The following IRF4 variants were observed in gnomAD, a reference collection of about 807,000 sequenced individuals.
IRF4 encodes interferon regulatory factor 4.
Under a neutral mutation model 55.5 loss-of-function variants are expected in IRF4, and 13 were observed. The observed-to-expected ratio is 0.23, with a 90% CI of 0.15 to 0.37. IRF4 has a LOEUF of 0.37. IRF4 is among the 10% of genes least tolerant of loss of function. IRF4 has a pLI of 1.00. For missense variants in IRF4, 397 were observed against 593.8 expected (o/e 0.67, Z 3.44); for synonymous variants, 249 against 240.7 (o/e 1.03, Z -0.32).
At position 395,016 on chromosome 6, in the gene IRF4, T is replaced by G. The variant is rs369623460; in HGVS notation, c.403+9T>G. 67 of 1,577,580 alleles carry G rather than the reference T, an allele frequency of 4.2e-5. No individual in the cohort carries two copies. The African/African-American group carries it at 7.8e-4, about 18-fold the overall frequency. ...TGAGGGAGCCAAAAAAGGTAGGGGC[T>G]CTCCTGAATTTGGGTCACCTAACAG... is the stretch of plus-strand genomic sequence containing the variant. On this transcript the variant is annotated intron_variant, in intron 3 of 8. Transcript: ENST00000380956.
rs1761286820 is a variant in IRF4 at position 397,163 on chromosome 6, C to A, written c.548C>A (p.Pro183Gln). The change falls in exon 5 of 9, where the codon CCG (proline) becomes CAG (glutamine). Residue 183 changes from proline (P) to glutamine (Q), a missense_variant. By Grantham distance (76) the Pro-to-Gln change is moderately conservative. This residue lies in a region of IRF4 where 341 missense variants were observed against 548.1 expected (regional missense o/e 0.62). Coordinates refer to ENST00000380956, the MANE Select transcript of IRF4 (RefSeq NM_002460.4). The part of the protein sequence containing the change: ...PLDRSWRDYV[P>Q]DQPHPEIPYQ... ...GACCGAAGCTGGAGGGACTACGTCC[C>A]GGATCAGCCACACCCGGAAATCCCG... The A allele has an allele frequency of 6.2e-7, 1 of 1,614,270 alleles. No individual in the cohort carries two copies. Among genetic ancestry groups the A allele is most frequent in the African/African-American group, 1.3e-5 (1 of 75,072 alleles).
intron 2 of IRF4, among the ~76,000 whole-genome samples, chr6:394,051 A>C (rs1360442567): frequency 1.3e-5 from 2 of 152,154 alleles, no homozygotes; most frequent in African/African-American, 4.8e-5. Flanking sequence ...TTCTCCCCTA[A>C]GGCAGTTTAC....
At position 393,693 on chromosome 6, in the gene IRF4, G is replaced by C. The variant is rs1191192065; in HGVS notation, c.216+325G>C. ...TCCGTGCGTTCTCGTTTCCACGCAA[G>C]CCTCCCGCCCTTCCTCCGGGCTCCC... On this transcript the variant is annotated intron_variant, in intron 2 of 8. Transcript: ENST00000380956. The surrounding 1 kb of genome is among the most constrained non-coding windows in gnomAD (Gnocchi z 5.4). Among the ~76,000 whole-genome samples the C allele has an allele frequency of 6.6e-6, 1 of 151,890 alleles. No homozygotes were observed. The highest frequency in any genetic ancestry group is 1.5e-5 in the Non-Finnish European group (1 of 67,960).
rs1016435210 is a variant in IRF4 at position 393,563 on chromosome 6, G to T, written c.216+195G>T. On this transcript the variant is annotated intron_variant, in intron 2 of 8. Coordinates refer to ENST00000380956, the MANE Select transcript of IRF4 (RefSeq NM_002460.4). The surrounding 1 kb of genome is among the most constrained non-coding windows in gnomAD (Gnocchi z 5.4). ...CTCGGCTCTCAGCGGGACCGCGGGGGCCGGGAGCCGGGTCCTGGGCGCGTG... is the reference window on the plus strand; with the variant it reads ...CTCGGCTCTCAGCGGGACCGCGGGGTCCGGGAGCCGGGTCCTGGGCGCGTG... 2.6e-5 allele frequency among the ~76,000 whole-genome samples: 4 copies of T among 152,088 alleles called. No individual in the cohort carries two copies. Among genetic ancestry groups the T allele is most frequent in the African/African-American group, 9.7e-5 (4 of 41,432 alleles).
At chr6:404,329 A>C (rs932595658) in intron 7 of IRF4, among the ~76,000 whole-genome samples, 2 of 152,180 alleles carry the variant, frequency 1.3e-5, no homozygotes, top group Admixed American at 1.3e-4. Context: ...CAGGATGTAC[A>C]TGTGTATATC....
chr6:394,713 C>T lies in IRF4; in HGVS notation c.217-108C>T, dbSNP rs1761208799. ...GATGCTGCGGTGAGCTATCATCGTG[C>T]CACTGTACTCTAGCCTGGGCAGCAG... On this transcript the variant is annotated intron_variant, in intron 2 of 8. Transcript: ENST00000380956. 2.9e-6 allele frequency: 3 copies of T among 1,024,580 alleles called. No individual in the cohort carries two copies. In the Admixed American group the frequency reaches 6.6e-5, roughly 22 times the overall value. 63.5% of individuals were successfully genotyped at this position (1,024,580 alleles called of 1,614,324 possible).
intron 5 of IRF4, among the ~76,000 whole-genome samples, chr6:398,599 A>G (rs1212110388): frequency 6.6e-6 from 1 of 152,044 alleles, no homozygotes; most frequent in Non-Finnish European, 1.5e-5. Flanking sequence ...TTTCCTTCCA[A>G]AGCTGTGCAC....
At chr6:392,004 G>T in intron 1 of IRF4, 195 bp downstream of exon 1, 1 of 369,122 alleles carries the variant, frequency 2.7e-6, no homozygotes, top group Non-Finnish European at 5.5e-6. Context: ...TGGGCTCCAA[G>T]GCCCGCCTCC....
chr6:407,131 T>A (rs1182360768), intron 8 of IRF4, among the ~76,000 whole-genome samples: 2 of 152,232 alleles, frequency 1.3e-5, no homozygotes, highest in Non-Finnish European at 2.9e-5. Flanking sequence ...CCCTGCAGAT[T>A]CCCTCAGACT....
At position 393,727 on chromosome 6, in the gene IRF4, C is replaced by T. The variant is rs375044823; in HGVS notation, c.216+359C>T. On this transcript the variant is annotated intron_variant, in intron 2 of 8. Transcript: ENST00000380956. This position sits in a 1 kb window ranked among gnomAD's most constrained non-coding sequence, Gnocchi z 5.4. ...CCTTCCTCCGGGCTCCCGTCTGCCGCCTCCGTCCGTGGGTCCCCCTCGCCC... is the reference window on the plus strand; with the variant it reads ...CCTTCCTCCGGGCTCCCGTCTGCCGTCTCCGTCCGTGGGTCCCCCTCGCCC... Among the ~76,000 whole-genome samples, 2 of 152,306 alleles carry T rather than the reference C, an allele frequency of 1.3e-5. No individual in the cohort carries two copies. Among genetic ancestry groups the T allele is most frequent in the South Asian group, 2.1e-4 (1 of 4,828 alleles).
chr6:408,910 G>T lies in IRF4; in HGVS notation c.*1312G>T, dbSNP rs191084757. On this transcript the variant is annotated 3_prime_UTR_variant, in exon 9 of 9. Coordinates refer to ENST00000380956, the MANE Select transcript of IRF4 (RefSeq NM_002460.4). ...TTTGACAGGGCCTTAAAATTACTTG[G>T]CTTTTTCCAAATGCTTCTATTTATA... 24 of 230,264 alleles carry T rather than the reference G, an allele frequency of 1.0e-4. No individual in the cohort carries two copies. The South Asian group carries it at 2.4e-3, about 23-fold the overall frequency. 14.3% of individuals were successfully genotyped at this position (230,264 alleles called of 1,614,324 possible). A position where few individuals can be genotyped will look rare whatever the true frequency, so the allele number is the denominator to read the frequency against.
chr6:405,556 C>G (rs547401220), intron 8 of IRF4, among the ~76,000 whole-genome samples: 8 of 152,208 alleles, frequency 5.3e-5, no homozygotes, highest in Non-Finnish European at 8.8e-5. Flanking sequence ...GAGAAACTAT[C>G]CATTCCCTGG....
chr6:405,490 G>A (rs894988124), intron 8 of IRF4, among the ~76,000 whole-genome samples: 8 of 152,196 alleles, frequency 5.3e-5, no homozygotes, highest in African/African-American at 1.7e-4. Flanking sequence ...TAAGATTGCT[G>A]TAAGAATGCT....
At chr6:401,325 C>T in intron 6 of IRF4, 99 bp from the exon 7 acceptor site, 1 of 875,190 alleles carries the variant, frequency 1.1e-6, no homozygotes, top group South Asian at 1.6e-5. Context: ...ACATGTGGGA[C>T]ACTAGAGTTC....
rs1404684551 is a variant in IRF4 at position 393,540 on chromosome 6, C to T, written c.216+172C>T. On this transcript the variant is annotated intron_variant, in intron 2 of 8. Transcript: ENST00000380956. This position sits in a 1 kb window ranked among gnomAD's most constrained non-coding sequence, Gnocchi z 5.4. ...GCCGCAGGAGGAGGAAAGGAGGCCT[C>T]GGCTCTCAGCGGGACCGCGGGGGCC... Among the ~76,000 whole-genome samples, 3 of 151,876 alleles carry T rather than the reference C, an allele frequency of 2.0e-5. No individual in the cohort carries two copies. The highest frequency in any genetic ancestry group is 7.3e-5 in the African/African-American group (3 of 41,340).
At chr6:405,329 G>T (rs1761517824) in intron 8 of IRF4, among the ~76,000 whole-genome samples, 199 bp downstream of exon 8, 1 of 152,228 alleles carries the variant, frequency 6.6e-6, no homozygotes, top group Non-Finnish European at 1.5e-5. Flanking sequence ...CCAGACTTGA[G>T]ATCTGCTCAT....
At position 410,093 on chromosome 6, in the gene IRF4, G is replaced by C. The variant is rs544177406; in HGVS notation, c.*2495G>C. 1 of 226,744 alleles carries C rather than the reference G, an allele frequency of 4.4e-6. No homozygotes were observed. The highest frequency in any genetic ancestry group is 1.8e-4 in the South Asian group (1 of 5,470). 14.0% of individuals were successfully genotyped at this position (226,744 alleles called of 1,614,324 possible). Reference sequence around the variant, plus strand: ...ATCCTAGCACTTGTCTCAGGACTCTGAAAAGGAACGGCTTCCTCATTCCTT... The same window carrying C: ...ATCCTAGCACTTGTCTCAGGACTCTCAAAAGGAACGGCTTCCTCATTCCTT... On this transcript the variant is annotated 3_prime_UTR_variant, in exon 9 of 9. Coordinates refer to ENST00000380956, the MANE Select transcript of IRF4 (RefSeq NM_002460.4).
chr6:393,138 G>T lies in IRF4; in HGVS notation c.-15G>T. ...GCGGAGGACCCCGGGCGCGGGCGCG[G>T]ACGGCACGCGGGGCATGAACCTGGA... On this transcript the variant is annotated 5_prime_UTR_variant, in exon 2 of 9. Coordinates refer to ENST00000380956, the MANE Select transcript of IRF4 (RefSeq NM_002460.4). The surrounding 1 kb of genome is among the most constrained non-coding windows in gnomAD (Gnocchi z 5.4). 1 of 1,546,550 alleles carries T rather than the reference G, an allele frequency of 6.5e-7. No individual in the cohort carries two copies. The highest frequency in any genetic ancestry group is 8.7e-7 in the Non-Finnish European group (1 of 1,144,806).
At position 393,404 on chromosome 6, in the gene IRF4, GGA is replaced by G; in HGVS notation, c.216+38_216+39del. The G allele has an allele frequency of 6.7e-7, 1 of 1,496,158 alleles. No homozygotes were observed. The highest frequency in any genetic ancestry group is 9.0e-7 in the Non-Finnish European group (1 of 1,111,380). The allele number at this position is 1,496,158 out of a possible 1,614,324, so 92.7% of individuals were successfully genotyped here. A position where few individuals can be genotyped will look rare whatever the true frequency, so the allele number is the denominator to read the frequency against. On this transcript the variant is annotated intron_variant, in intron 2 of 8. Transcript: ENST00000380956. The surrounding 1 kb of genome is among the most constrained non-coding windows in gnomAD (Gnocchi z 5.4). ...TCGGGAGCCGGCGGGGGCGCGCCGG[GGA>G]GGGCCCAGAGACAGAGCCCGGGGTC...
Sources: gnomAD v4.1 joint callset for allele counts (sites outside exome capture counted in the v4.1 genomes callset) on GRCh38, gnomAD v4.1.1 for gene constraint, gnomAD v4.1.1 regional missense constraint, Gnocchi (gnomAD v3.1) non-coding constraint, MANE v1.5 for transcripts, NCBI Gene and HGNC (gene_info 2026-07-23, HGNC 2026-07-21) for gene names.